The following HECW1 variants were observed in gnomAD, a reference collection of about 807,000 sequenced individuals.
The protein encoded by HECW1 is HECT, C2 and WW domain containing E3 ubiquitin protein ligase 1.
A neutral mutation model predicts 182.3 loss-of-function variants in HECW1; 61 were observed. The ratio of observed to expected loss-of-function variants is 0.33; its 90% CI spans 0.27 to 0.41. HECW1 has a LOEUF of 0.41. Among genes scored for constraint, HECW1 ranks in the 10% least tolerant of loss-of-function variants. HECW1 has a pLI of 1.00. For missense variants in HECW1, 1,739 were observed against 2,108.9 expected, an observed-to-expected ratio of 0.82 and a Z score of 3.44; for synonymous variants, 859 against 832.6, an observed-to-expected ratio of 1.03 and a Z score of -0.55.
chr7:43,351,548 G>C (rs1215687617), intron 5 of HECW1, among the ~76,000 whole-genome samples: 1 of 152,114 alleles, frequency 6.6e-6, no homozygotes, highest in African/African-American at 2.4e-5. Flanking sequence ...TGGCTGCTGT[G>C]GGGGATGGGG....
chr7:43,414,641 A>G (rs1333132628), intron 8 of HECW1, among the ~76,000 whole-genome samples: 1 of 151,148 alleles, frequency 6.6e-6, no homozygotes, highest in Non-Finnish European at 1.5e-5. Flanking sequence ...TCAATACCTA[A>G]TTTATTGAGA....
chr7:43,455,810 G>A (rs2077383024), intron 12 of HECW1, among the ~76,000 whole-genome samples: 2 of 152,066 alleles, frequency 1.3e-5, no homozygotes, highest in Admixed American at 6.5e-5. Flanking sequence ...GCCAACCATG[G>A]CCAACATGGT....
At chr7:43,336,625 T>C (rs191857288) in intron 5 of HECW1, among the ~76,000 whole-genome samples, 3 of 152,292 alleles carry the variant, frequency 2.0e-5, no homozygotes, top group Admixed American at 2.0e-4. Flanking sequence ...ATAATGAGGA[T>C]TGGGCTTCTA....
At chr7:43,233,203 A>G (rs554052522) in intron 2 of HECW1, among the ~76,000 whole-genome samples, 1 of 152,334 alleles carries the variant, frequency 6.6e-6, no homozygotes, top group South Asian at 2.1e-4. Flanking sequence ...AACAACAGTT[A>G]CTAAAAAAAA....
rs531955953 is a variant in HECW1 at position 43,436,240 on chromosome 7, G to A, written c.802-1763G>A. On this transcript the variant is annotated intron_variant, in intron 8 of 29. Transcript: ENST00000395891. ...AGAAAAATATGTATTTATTTCAGGTGTTTCACAGCCCTTGATTAAGGGGAC... is the reference window on the plus strand; with the variant it reads ...AGAAAAATATGTATTTATTTCAGGTATTTCACAGCCCTTGATTAAGGGGAC... 4.6e-5 allele frequency among the ~76,000 whole-genome samples: 7 copies of A among 151,196 alleles called. No individual in the cohort carries two copies. The East Asian group carries it at 1.4e-3, about 29-fold the overall frequency.
intron 2 of HECW1, chr7:43,162,856 A>G (rs1319661614): frequency 6.6e-6 from 1 of 152,236 alleles, no homozygotes; most frequent in African/African-American, 2.4e-5. Flanking sequence ...AACTACCTTT[A>G]CAAGCATCAT....
intron 2 of HECW1, among the ~76,000 whole-genome samples, chr7:43,142,789 C>T (rs1299052027): frequency 6.6e-6 from 1 of 152,220 alleles, no homozygotes; most frequent in Non-Finnish European, 1.5e-5. Flanking sequence ...GTGCCTTATG[C>T]TCAGAAGCGG....
chr7:43,147,245 G>GTTT (rs10660691), intron 2 of HECW1, among the ~76,000 whole-genome samples: 1,727 of 150,978 alleles, frequency 0.011, 32 homozygotes, highest in African/African-American at 0.04. Context: ...ATGTAGTTTT[G>GTTT]TTTTTTTTTA....
At chr7:43,404,056 GA>G (rs1352299140) in intron 7 of HECW1, among the ~76,000 whole-genome samples, 1 of 152,124 alleles carries the variant, frequency 6.6e-6, no homozygotes, top group East Asian at 1.9e-4. Flanking sequence ...TCTCATAGGG[GA>G]AAACATTAAG....
intron 3 of HECW1, among the ~76,000 whole-genome samples, chr7:43,265,732 T>G (rs1801708011): frequency 6.6e-6 from 1 of 152,168 alleles, no homozygotes; most frequent in Non-Finnish European, 1.5e-5. Flanking sequence ...AGGCACATTC[T>G]CACAAGGCTG....
At chr7:43,160,655 C>T (rs1790433778) in intron 2 of HECW1, among the ~76,000 whole-genome samples, 1 of 152,086 alleles carries the variant, frequency 6.6e-6, no homozygotes, top group Admixed American at 6.5e-5. Context: ...GGTCCAGAAC[C>T]ACACTGTTAA....
At chr7:43,480,720 C>CATAT (rs143796008) in intron 17 of HECW1, among the ~76,000 whole-genome samples, 17 of 146,550 alleles carry the variant, frequency 1.2e-4, no homozygotes, top group African/African-American at 3.8e-4. Flanking sequence ...CATATATACG[C>CATAT]ATATATATAT....
At position 43,257,803 on chromosome 7, in the gene HECW1, A is replaced by G. The variant is rs560252273; in HGVS notation, c.27+13871A>G. On this transcript the variant is annotated intron_variant, in intron 3 of 29. Transcript: ENST00000395891. ...TGACTTAGATGACTTGAGGCAAGTTATTTTGCCTCTCTATGTCTTAATTTA... is the reference window on the plus strand; with the variant it reads ...TGACTTAGATGACTTGAGGCAAGTTGTTTTGCCTCTCTATGTCTTAATTTA... 7.9e-5 allele frequency among the ~76,000 whole-genome samples: 12 copies of G among 152,226 alleles called. No individual in the cohort carries two copies. In the South Asian group the frequency reaches 2.5e-3, roughly 32 times the overall value.
intron 3 of HECW1, among the ~76,000 whole-genome samples, chr7:43,262,645 G>T (rs571032718): frequency 1.3e-5 from 2 of 152,164 alleles, no homozygotes; most frequent in African/African-American, 4.8e-5. Flanking sequence ...CTTCAATGCA[G>T]TAATGAGGTT....
chr7:43,301,674 A>T (rs1193015566), intron 3 of HECW1, among the ~76,000 whole-genome samples: 1 of 152,116 alleles, frequency 6.6e-6, no homozygotes, highest in Non-Finnish European at 1.5e-5. Context: ...GGAGTTCAAG[A>T]CCAGCCTGGC....
chr7:43,251,224 T>C (rs1360239335), intron 3 of HECW1, among the ~76,000 whole-genome samples: 1 of 152,240 alleles, frequency 6.6e-6, no homozygotes, highest in African/African-American at 2.4e-5. Context: ...GAATGAGCCC[T>C]GTCCTTCTGC....
chr7:43,355,982 C>T (rs938293244), intron 5 of HECW1, among the ~76,000 whole-genome samples: 4 of 149,132 alleles, frequency 2.7e-5, no homozygotes, highest in African/African-American at 2.5e-5. Flanking sequence ...AGCAAGACTC[C>T]GTTAAAAAAA....
intron 6 of HECW1, chr7:43,396,525 G>A (rs945277853): frequency 7.0e-6 from 2 of 287,630 alleles, no homozygotes; most frequent in Non-Finnish European, 1.3e-5. Flanking sequence ...AATGTGAAAA[G>A]ACATGGTTTG....
At chr7:43,146,913 A>T (rs1478653567) in intron 2 of HECW1, among the ~76,000 whole-genome samples, 2 of 152,214 alleles carry the variant, frequency 1.3e-5, no homozygotes, top group African/African-American at 4.8e-5. Flanking sequence ...GGTGGTGAAG[A>T]TCATCAAACT....
Sources: gnomAD v4.1 joint callset for allele counts (sites outside exome capture counted in the v4.1 genomes callset) on GRCh38, gnomAD v4.1.1 for gene constraint, MANE v1.5 for transcripts, NCBI Gene and HGNC (gene_info 2026-07-23, HGNC 2026-07-21) for gene names.